SLC38A9: variants seen among roughly 807,000 people sequenced by gnomAD.
The protein encoded by SLC38A9 is neutral amino acid transporter 9.
Under a neutral mutation model 62.3 loss-of-function variants are expected in SLC38A9, and 48 were observed. The observed-to-expected ratio is 0.77, with a 90% CI of 0.61 to 0.98. The LOEUF is 0.98. SLC38A9 is among the 50% of genes least tolerant of loss of function. SLC38A9 has a pLI of 0.00. For synonymous variants in SLC38A9, 204 were observed against 227.7 expected (o/e 0.90, Z 0.94); for missense variants, 541 against 679.8 (o/e 0.80, Z 2.27).
chr5:55,693,054 G>A (rs1287247632), intron 3 of SLC38A9: 51 of 944,220 alleles, frequency 5.4e-5, no homozygotes, highest in Non-Finnish European at 5.4e-5. Context: ...TTCATCTCTT[G>A]GATGAAGACC....
At chr5:55,649,420 T>A in intron 10 of SLC38A9, 106 bp from the exon 11 acceptor site, 1 of 616,348 alleles carries the variant, frequency 1.6e-6, no homozygotes, top group Non-Finnish European at 2.7e-6. Context: ...GGGAAACTGT[T>A]AACTGCATTG....
intron 13 of SLC38A9, 194 bp downstream of exon 13, chr5:55,635,350 T>C (rs151303708): frequency 4.9e-6 from 3 of 613,650 alleles, no homozygotes; most frequent in Non-Finnish European, 8.7e-6. Flanking sequence ...CTTATTATAC[T>C]ATTTAATGGA....
At position 55,633,805 on chromosome 5, in the gene SLC38A9, T is replaced by G; in HGVS notation, c.1379A>C (p.Tyr460Ser). ...GCCCAAAAGCTGGACACGAGCCAGG[T>G]AGCCTAAGAGTGGGTATACAGTCAT... The part of the protein sequence containing the change: ...QMMTVYPLLG[Y>S]LARVQLLGHI... Residue 460 changes from tyrosine to serine, a missense_variant, in exon 14 of 16, where the codon TAC becomes TCC. By Grantham distance (144) the Tyr-to-Ser change is moderately radical. Transcript: ENST00000396865. 2 of 1,614,150 alleles carry G rather than the reference T, an allele frequency of 1.2e-6. No homozygotes were observed. The highest frequency in any genetic ancestry group is 2.2e-5 in the South Asian group (2 of 91,066).
At chr5:55,667,119 T>C (rs1478996618) in intron 7 of SLC38A9, among the ~76,000 whole-genome samples, 4 of 152,194 alleles carry the variant, frequency 2.6e-5, no homozygotes, top group Non-Finnish European at 4.4e-5. Context: ...TGCTTGAACC[T>C]GGGAGGAGGA....
intron 3 of SLC38A9, 152 bp from the exon 4 acceptor site, chr5:55,672,847 A>C: frequency 3.0e-6 from 2 of 659,108 alleles, no homozygotes; most frequent in Non-Finnish European, 5.0e-6. Flanking sequence ...AGAAAATGTT[A>C]CAAAAGAAGT....
chr5:55,691,759 C>CAG (rs1754778215), intron 3 of SLC38A9, among the ~76,000 whole-genome samples: 1 of 152,144 alleles, frequency 6.6e-6, no homozygotes, highest in Non-Finnish European at 1.5e-5. Flanking sequence ...CACTCACATT[C>CAG]CTTATTCCAC....
chr5:55,695,269 A>AT (rs1218012427), intron 3 of SLC38A9, among the ~76,000 whole-genome samples: 9 of 103,622 alleles, frequency 8.7e-5, no homozygotes, highest in African/African-American at 2.5e-4. Flanking sequence ...TGTTAAGACC[A>AT]TTTCTTTTTT....
At chr5:55,682,683 G>C (rs1189735413) in intron 3 of SLC38A9, among the ~76,000 whole-genome samples, 2 of 152,160 alleles carry the variant, frequency 1.3e-5, no homozygotes, top group Non-Finnish European at 2.9e-5. Flanking sequence ...GCTGAGGCAG[G>C]AGGACTGCTT....
Position 55,626,515 on chromosome 5 carries a change from C to T in SLC38A9, c.1665G>A (p.Leu555=). Residue 555 remains leucine, a synonymous_variant, in exon 16 of 16, where the codon CTG becomes CTA. Coordinates refer to ENST00000396865, the MANE Select transcript of SLC38A9 (RefSeq NM_173514.4). ...VFIIILGVAN[L]IVQFFM ...TATTTCACATAAAAAACTGAACAAT[C>T]AGGTTAGCCACGCCCAAAATGATGA... The T allele has an allele frequency of 6.2e-7, 1 of 1,610,158 alleles. No homozygotes were observed. The highest frequency in any genetic ancestry group is 1.7e-4 in the Middle Eastern group (1 of 6,034).
chr5:55,640,147 G>A (rs1238260521), intron 12 of SLC38A9, among the ~76,000 whole-genome samples: 1 of 151,806 alleles, frequency 6.6e-6, no homozygotes, highest in African/African-American at 2.4e-5. Context: ...CACCATGCTC[G>A]GCTAATTTCT....
intron 9 of SLC38A9, among the ~76,000 whole-genome samples, chr5:55,654,134 A>C (rs1319793631): frequency 6.6e-6 from 1 of 152,228 alleles, no homozygotes; most frequent in Non-Finnish European, 1.5e-5. Context: ...CCTTATGCTC[A>C]TCATTTGTCA....
At chr5:55,640,847 T>A (rs953870993) in intron 12 of SLC38A9, among the ~76,000 whole-genome samples, 1 of 152,244 alleles carries the variant, frequency 6.6e-6, no homozygotes, top group African/African-American at 2.4e-5. Context: ...TATGTATATA[T>A]ATTTTTGAGA....
intron 14 of SLC38A9, among the ~76,000 whole-genome samples, chr5:55,629,806 T>A (rs1743109740): frequency 6.6e-6 from 1 of 152,186 alleles, no homozygotes; most frequent in Non-Finnish European, 1.5e-5. Context: ...TTTGGAAAAC[T>A]TGTATTTGCT....
intron 2 of SLC38A9, among the ~76,000 whole-genome samples, chr5:55,708,677 T>C (rs1215353972): frequency 2.0e-5 from 3 of 152,226 alleles, no homozygotes; most frequent in Non-Finnish European, 4.4e-5. Flanking sequence ...TTTGTGTATG[T>C]TATAGAGTTT....
At position 55,692,584 on chromosome 5, in the gene SLC38A9, G is replaced by A. The variant is rs186660254; in HGVS notation, c.113+5262C>T. Reference sequence around the variant, plus strand: ...TCTATATTTGCCTTTCTTAAAACATGCTTACCTAGGTAGTTATGCCATGAT... The same window carrying A: ...TCTATATTTGCCTTTCTTAAAACATACTTACCTAGGTAGTTATGCCATGAT... On this transcript the variant is annotated intron_variant, in intron 3 of 15. Coordinates refer to ENST00000396865, the MANE Select transcript of SLC38A9 (RefSeq NM_173514.4). 13 of 977,418 alleles carry A rather than the reference G, an allele frequency of 1.3e-5. No individual in the cohort carries two copies. In the East Asian group the frequency reaches 6.8e-4, roughly 51 times the overall value. 60.5% of individuals were successfully genotyped at this position (977,418 alleles called of 1,614,324 possible).
At chr5:55,661,011 T>G (rs1433262067) in intron 8 of SLC38A9, among the ~76,000 whole-genome samples, 1 of 150,376 alleles carries the variant, frequency 6.6e-6, no homozygotes, top group Non-Finnish European at 1.5e-5. Context: ...AGAACTACTG[T>G]TACAGAAAAA....
At chr5:55,632,326 T>G (rs1743610412) in intron 14 of SLC38A9, among the ~76,000 whole-genome samples, 2 of 151,950 alleles carry the variant, frequency 1.3e-5, no homozygotes, top group African/African-American at 4.8e-5. Context: ...TAGTCCCAGC[T>G]ACTCAGGAGG....
chr5:55,691,321 G>T (rs538722888), intron 3 of SLC38A9: 7 of 1,470,046 alleles, frequency 4.8e-6, no homozygotes, highest in Middle Eastern at 3.6e-4. Flanking sequence ...ATAAGTACTG[G>T]TGAATAAGGG....
chr5:55,710,962 A>T (rs1032837827), intron 2 of SLC38A9, among the ~76,000 whole-genome samples: 1 of 151,858 alleles, frequency 6.6e-6, no homozygotes, highest in East Asian at 2.0e-4. Context: ...TGCCTATCCT[A>T]CATATGTCAG....
Sources: allele counts gnomAD v4.1 joint callset (sites outside exome capture counted in the v4.1 genomes callset), GRCh38; gene constraint gnomAD v4.1.1; transcripts MANE v1.5; gene names NCBI Gene and HGNC (gene_info 2026-07-23, HGNC 2026-07-21).